Variants in MSRA observed in about 807,000 individuals in gnomAD.
MSRA encodes the protein mitochondrial peptide methionine sulfoxide reductase.
A neutral mutation model predicts 31.3 loss-of-function variants in MSRA; 54 were observed. The ratio of observed to expected loss-of-function variants is 1.73; its 90% CI spans 1.39 to 2.17. The LOEUF is 2.17. Ranked by LOEUF, MSRA falls within the 30% of genes most tolerant of loss-of-function variation. The pLI is 0.00. For synonymous variants in MSRA, 169 were observed against 116.5 expected (o/e 1.45, Z -2.90); for missense variants, 507 against 300.9 (o/e 1.69, Z -5.07).
chr8:10,419,772 C>T (rs1332673074), intron 5 of MSRA, among the ~76,000 whole-genome samples: 1 of 152,186 alleles, frequency 6.6e-6, no homozygotes, highest in Non-Finnish European at 1.5e-5. Context: ...GCAAGTCTAG[C>T]TCTCTTGCCA....
intron 5 of MSRA, among the ~76,000 whole-genome samples, chr8:10,425,309 G>C (rs1809081928): frequency 6.6e-6 from 1 of 152,212 alleles, no homozygotes; most frequent in South Asian, 2.1e-4. Flanking sequence ...CGGTTTCCCT[G>C]CTCGCCTTGG....
chr8:10,168,259 T>A (rs1011427054), intron 1 of MSRA, among the ~76,000 whole-genome samples: 25 of 152,184 alleles, frequency 1.6e-4, no homozygotes, highest in Admixed American at 6.5e-5. Flanking sequence ...TTATTAATAA[T>A]CTTGGTTCTA....
intron 1 of MSRA, among the ~76,000 whole-genome samples, chr8:10,102,450 A>G (rs1308734175): frequency 2.0e-5 from 3 of 151,624 alleles, no homozygotes; most frequent in African/African-American, 7.3e-5. Context: ...AATTTCGGTT[A>G]TTTTATCTGC....
At chr8:10,067,449 G>C (rs187109171) in intron 1 of MSRA, among the ~76,000 whole-genome samples, 36 of 152,264 alleles carry the variant, frequency 2.4e-4, no homozygotes, top group African/African-American at 7.7e-4. Flanking sequence ...CTTACATGGG[G>C]ATCTATAATT....
At chr8:10,305,322 T>C (rs56654851) in intron 4 of MSRA, among the ~76,000 whole-genome samples, 41,179 of 151,814 alleles carry the variant, frequency 0.27, 6,092 homozygotes, top group East Asian at 0.35. Flanking sequence ...ACATTCAGCA[T>C]GTTCTTTCCT....
chr8:10,425,047 G>A (rs1178880325), intron 5 of MSRA, among the ~76,000 whole-genome samples: 1 of 152,186 alleles, frequency 6.6e-6, no homozygotes, highest in Non-Finnish European at 1.5e-5. Flanking sequence ...GACGAAGGGG[G>A]ACCAGGAAGA....
chr8:10,184,871 A>C (rs972810092), intron 1 of MSRA, among the ~76,000 whole-genome samples: 3 of 152,218 alleles, frequency 2.0e-5, no homozygotes, highest in African/African-American at 7.2e-5. Context: ...TGTACTGAAA[A>C]ATAGCCTGAT....
At position 10,081,197 on chromosome 8, in the gene MSRA, G is replaced by C. The variant is rs559162503; in HGVS notation, c.142+26539G>C. On this transcript the variant is annotated intron_variant, in intron 1 of 5. Transcript: ENST00000317173. ...GGAGGCATCATATAAGAACTAGGCG[G>C]ATGGGGCAGTGGCTGATTCCACGTG... Among the ~76,000 whole-genome samples the C allele has an allele frequency of 6.6e-5, 10 of 152,322 alleles. No individual in the cohort carries two copies. The South Asian group carries it at 1.9e-3, about 28-fold the overall frequency.
chr8:10,380,071 A>C (rs1805976708), intron 5 of MSRA, among the ~76,000 whole-genome samples: 1 of 152,172 alleles, frequency 6.6e-6, no homozygotes, highest in Non-Finnish European at 1.5e-5. Context: ...GCTGATGTCC[A>C]TCTTGTTCTT....
At chr8:10,196,117 C>T (rs1233530720) in intron 1 of MSRA, among the ~76,000 whole-genome samples, 2 of 152,156 alleles carry the variant, frequency 1.3e-5, no homozygotes, top group Non-Finnish European at 2.9e-5. Context: ...CTGACAGTGC[C>T]CCTTGCAACC....
rs999178469 is a variant in MSRA at position 10,241,528 on chromosome 8, C to G, written c.212-3576C>G. ...GTAAATGGATGAAGCAAGCATTTAT[C>G]TTCCCTGTCCCATGTGAATTGTACC... is the stretch of plus-strand genomic sequence containing the variant. On this transcript the variant is annotated intron_variant, in intron 2 of 5. Coordinates refer to ENST00000317173, the MANE Select transcript of MSRA (RefSeq NM_012331.5). Among the ~76,000 whole-genome samples the G allele has an allele frequency of 1.1e-4, 16 of 152,200 alleles. 1 individual carries two copies. Among genetic ancestry groups the G allele is most frequent in the Admixed American group, 1.0e-3 (16 of 15,280 alleles).
intron 1 of MSRA, among the ~76,000 whole-genome samples, chr8:10,151,003 G>A (rs1429328017): frequency 6.6e-6 from 1 of 152,024 alleles, no homozygotes; most frequent in Non-Finnish European, 1.5e-5. Flanking sequence ...GCATGTGTGT[G>A]TCAGGTGGGC....
At chr8:10,102,037 C>T (rs1475881486) in intron 1 of MSRA, among the ~76,000 whole-genome samples, 1 of 152,088 alleles carries the variant, frequency 6.6e-6, no homozygotes, top group Non-Finnish European at 1.5e-5. Flanking sequence ...CTAAGATGTC[C>T]TTTTTCTCTC....
chr8:10,120,457 T>A (rs1014758494), intron 1 of MSRA, among the ~76,000 whole-genome samples: 1 of 152,194 alleles, frequency 6.6e-6, no homozygotes, highest in Non-Finnish European at 1.5e-5. Context: ...ACACCACGAT[T>A]TAAGGACCAG....
chr8:10,244,327 A>G (rs1294845996), intron 2 of MSRA, among the ~76,000 whole-genome samples: 1 of 152,276 alleles, frequency 6.6e-6, no homozygotes, highest in East Asian at 1.9e-4. Flanking sequence ...GCATGGCAAC[A>G]TTTGCGACGT....
intron 1 of MSRA, among the ~76,000 whole-genome samples, chr8:10,171,527 C>T (rs1249216595): frequency 2.6e-5 from 4 of 152,216 alleles, no homozygotes; most frequent in Non-Finnish European, 4.4e-5. Flanking sequence ...GTAACTGTTA[C>T]TACTGAGTAA....
intron 2 of MSRA, among the ~76,000 whole-genome samples, chr8:10,227,184 G>A (rs1359302719): frequency 6.6e-6 from 1 of 152,190 alleles, no homozygotes; most frequent in Non-Finnish European, 1.5e-5. Flanking sequence ...CTTGGATTCT[G>A]CTTGGTGACG....
At chr8:10,385,177 G>A (rs1403280405) in intron 5 of MSRA, among the ~76,000 whole-genome samples, 1 of 152,082 alleles carries the variant, frequency 6.6e-6, no homozygotes, top group Non-Finnish European at 1.5e-5. Context: ...GGAGTAAGGG[G>A]GATTGTGGCT....
chr8:10,133,722 A>G (rs751677545), intron 1 of MSRA, among the ~76,000 whole-genome samples: 25 of 152,314 alleles, frequency 1.6e-4, no homozygotes, highest in Non-Finnish European at 3.1e-4. Flanking sequence ...GTGCTCAGGA[A>G]ATGGTAGTGA....
Sources: allele counts gnomAD v4.1 joint callset (sites outside exome capture counted in the v4.1 genomes callset), GRCh38; gene constraint gnomAD v4.1.1; transcripts MANE v1.5; gene names NCBI Gene and HGNC (gene_info 2026-07-23, HGNC 2026-07-21).